The following FMN1 variants were observed in gnomAD, a reference collection of about 807,000 sequenced individuals.
FMN1 encodes the protein formin-1.
FMN1 carries 110 observed loss-of-function variants against 132.4 expected under a neutral mutation model. The ratio of observed to expected loss-of-function variants is 0.83; its 90% CI spans 0.71 to 0.97. FMN1 has a LOEUF of 0.97. Ranked by LOEUF, FMN1 falls within the 50% of genes least tolerant of loss-of-function variation. The pLI, the probability that FMN1 is intolerant of heterozygous loss-of-function variation, is 0.00. For synonymous variants in FMN1, 722 were observed against 651.7 expected, an observed-to-expected ratio of 1.11 and a Z score of -1.64; for missense variants, 1,792 against 1,705.3, an observed-to-expected ratio of 1.05 and a Z score of -0.90.
rs568790991 is a variant in FMN1 at position 32,876,044 on chromosome 15, C to T, written c.3835+12128G>A. On this transcript the variant is annotated intron_variant, in intron 16 of 20. Transcript: ENST00000616417. ...AGGTAAAGTATCACCATTATAATTACAAGAGTACCTTTAAAAAACCAAAAA... is the reference window on the plus strand; with the variant it reads ...AGGTAAAGTATCACCATTATAATTATAAGAGTACCTTTAAAAAACCAAAAA... 5.3e-5 allele frequency among the ~76,000 whole-genome samples: 8 copies of T among 152,232 alleles called. No homozygotes were observed. The East Asian group carries it at 1.5e-3, about 29-fold the overall frequency.
chr15:33,139,196 G>T (rs1963899547), intron 4 of FMN1, among the ~76,000 whole-genome samples: 1 of 152,196 alleles, frequency 6.6e-6, no homozygotes. Context: ...ATGGAGTTGT[G>T]TATCCCCTTG....
chr15:33,036,484 T>C (rs2036198405), intron 6 of FMN1, among the ~76,000 whole-genome samples: 1 of 152,194 alleles, frequency 6.6e-6, no homozygotes, highest in Non-Finnish European at 1.5e-5. Context: ...CTTAGAAATG[T>C]CCCTATATTT....
In FMN1 at chr15:32,964,110, T is replaced by A. The variant is rs1268736631; in HGVS notation, c.3135A>T (p.Lys1045Asn). The part of the protein sequence containing the change: ...SETYEKKNKV[K>N]KIIKLLDGKR... ...CTTTGCCATAATCACTCAGTACCTT[T>A]TTGACCTTGTTTTTCTTCTCATAAG... The change falls in exon 9 of 21, where the codon AAA becomes AAT. Residue 1045 changes from lysine (K) to asparagine (N), a missense_variant. This residue lies in a region of FMN1 where 1,150 missense variants were observed against 1,043.1 expected (regional missense o/e 1.10). Transcript: ENST00000616417. 5 of 1,611,066 alleles carry A rather than the reference T, an allele frequency of 3.1e-6. No homozygotes were observed. The highest frequency in any genetic ancestry group is 3.4e-6 in the Non-Finnish European group (4 of 1,178,568).
intron 15 of FMN1, 81 bp from the exon 16 acceptor site, chr15:32,888,373 A>G: frequency 7.5e-7 from 1 of 1,339,924 alleles, no homozygotes; most frequent in Admixed American, 2.4e-5. Flanking sequence ...CAATGAGAAA[A>G]AAAAAAGCTT....
intron 4 of FMN1, among the ~76,000 whole-genome samples, chr15:33,095,811 C>A (rs2039062407): frequency 6.6e-6 from 1 of 152,106 alleles, no homozygotes; most frequent in African/African-American, 2.4e-5. Flanking sequence ...GGAAATCCAA[C>A]TCTTGAAGAC....
chr15:33,073,651 A>G (rs1226139096), intron 5 of FMN1, among the ~76,000 whole-genome samples: 1 of 152,156 alleles, frequency 6.6e-6, no homozygotes, highest in Non-Finnish European at 1.5e-5. Flanking sequence ...AAGGAGTACA[A>G]GATTATGGAA....
At chr15:32,883,079 T>C (rs1294216053) in intron 16 of FMN1, among the ~76,000 whole-genome samples, 1 of 152,164 alleles carries the variant, frequency 6.6e-6, no homozygotes, top group Non-Finnish European at 1.5e-5. Context: ...AAGTTGAATA[T>C]CCATTAGATT....
chr15:32,993,374 G>A lies in FMN1; in HGVS notation c.2223+14640C>T, dbSNP rs187109641. Among the ~76,000 whole-genome samples the A allele has an allele frequency of 1.3e-3, 199 of 152,102 alleles. 2 individuals are homozygous for A. The highest frequency in any genetic ancestry group is 7.2e-4 in the Non-Finnish European group (49 of 67,990). ...TAAATTATGTCTAAAGGATCTATTTGCCATAGATAAGGGTCATGCCATATA... is the reference window on the plus strand; with the variant it reads ...TAAATTATGTCTAAAGGATCTATTTACCATAGATAAGGGTCATGCCATATA... On this transcript the variant is annotated intron_variant, in intron 7 of 20. Coordinates refer to ENST00000616417, the MANE Select transcript of FMN1 (RefSeq NM_001277313.2).
At chr15:32,823,443 T>C (rs60240038) in intron 17 of FMN1, among the ~76,000 whole-genome samples, 17,253 of 151,920 alleles carry the variant, frequency 0.11, 1,026 homozygotes, top group Middle Eastern at 0.18. Context: ...GGATTACAGG[T>C]GTGAGCCACT....
At chr15:33,002,477 C>G (rs1018466541) in intron 7 of FMN1, among the ~76,000 whole-genome samples, 3 of 152,132 alleles carry the variant, frequency 2.0e-5, no homozygotes, top group African/African-American at 7.2e-5. Flanking sequence ...GTTCGTTTTA[C>G]GAACAGCATC....
intron 9 of FMN1, among the ~76,000 whole-genome samples, chr15:32,952,067 C>CT (rs1368219957): frequency 6.6e-6 from 1 of 152,188 alleles, no homozygotes; most frequent in Non-Finnish European, 1.5e-5. Context: ...GTTCTACCTC[C>CT]TTTTCCATGC....
intron 16 of FMN1, among the ~76,000 whole-genome samples, chr15:32,887,131 T>TCC (rs1488010825): frequency 6.6e-6 from 1 of 152,232 alleles, no homozygotes; most frequent in Non-Finnish European, 1.5e-5. Flanking sequence ...AGCAGATCTT[T>TCC]CCCACTTTAC....
chr15:33,071,364 T>G (rs1270252588), intron 5 of FMN1, among the ~76,000 whole-genome samples: 1 of 152,200 alleles, frequency 6.6e-6, no homozygotes, highest in African/African-American at 2.4e-5. Flanking sequence ...CATCAAGGTT[T>G]TCCAGTTTGC....
At chr15:32,925,479 T>C (rs1308278578) in intron 10 of FMN1, among the ~76,000 whole-genome samples, 2 of 152,054 alleles carry the variant, frequency 1.3e-5, no homozygotes, top group African/African-American at 2.4e-5. Flanking sequence ...AAACCTAAAA[T>C]GTGGGGAAGT....
At chr15:33,047,622 T>C (rs2036748202) in intron 6 of FMN1, among the ~76,000 whole-genome samples, 2 of 152,158 alleles carry the variant, frequency 1.3e-5, no homozygotes, top group South Asian at 4.1e-4. Context: ...TAAGGTTTTC[T>C]TCGGTTTTGC....
At chr15:33,088,211 AAAAAAATTT>A (rs1384957843) in intron 5 of FMN1, among the ~76,000 whole-genome samples, 1 of 152,128 alleles carries the variant, frequency 6.6e-6, no homozygotes, top group East Asian at 1.9e-4. Flanking sequence ...TATTGAAATT[AAAAAAATTT>A]AAAAAATTTA....
intron 19 of FMN1, among the ~76,000 whole-genome samples, chr15:32,793,868 A>G (rs2057179745): frequency 6.6e-6 from 1 of 152,222 alleles, no homozygotes; most frequent in African/African-American, 2.4e-5. Flanking sequence ...AGCAGAATTC[A>G]ATAAATAACA....
rs28574716 is a variant in FMN1, at chr15:32,768,387, G to A, written c.*5923C>T. On this transcript the variant is annotated 3_prime_UTR_variant, in exon 21 of 21. Coordinates refer to ENST00000616417, the MANE Select transcript of FMN1 (RefSeq NM_001277313.2). ...GGAAAGCAGGTACACGTTTGCCAAG[G>A]ACATTAACAAACAATTGCTAATGTG... is the stretch of plus-strand genomic sequence containing the variant. 11,335 of 152,258 alleles carry A rather than the reference G, an allele frequency of 0.074. 511 individuals are homozygous for A. The highest frequency in any genetic ancestry group is 0.13 in the Middle Eastern group (38 of 294). 9.4% of individuals were successfully genotyped at this position (152,258 alleles called of 1,614,324 possible). A position where few individuals can be genotyped will look rare whatever the true frequency, so the allele number is the denominator to read the frequency against.
intron 6 of FMN1, among the ~76,000 whole-genome samples, chr15:33,046,984 C>G (rs760652475): frequency 7.9e-5 from 12 of 152,186 alleles, no homozygotes; most frequent in Non-Finnish European, 1.3e-4. Flanking sequence ...TGGTCAGTAA[C>G]AAACTTTGCT....
Sources: gnomAD v4.1 joint callset for allele counts (sites outside exome capture counted in the v4.1 genomes callset) on GRCh38, gnomAD v4.1.1 for gene constraint, gnomAD v4.1.1 regional missense constraint, MANE v1.5 for transcripts, NCBI Gene and HGNC (gene_info 2026-07-23, HGNC 2026-07-21) for gene names.